Variants in AKIRIN2 observed in about 807,000 individuals in gnomAD.
AKIRIN2 encodes the protein akirin-2.
A neutral mutation model predicts 29.3 loss-of-function variants in AKIRIN2; 6 were observed. The observed-to-expected ratio is 0.20, with a 90% confidence interval of 0.11 to 0.40. The LOEUF (loss-of-function observed/expected upper bound fraction) is 0.40. AKIRIN2 is among the 10% of genes least tolerant of loss of function. AKIRIN2 has a pLI of 1.00. For synonymous variants in AKIRIN2, 128 were observed against 117.5 expected (o/e 1.09, Z -0.58); for missense variants, 210 against 276.1 (o/e 0.76, Z 1.70).
Position 87,681,780 on chromosome 6 carries a change from A to G in AKIRIN2, c.236-17T>C, listed in dbSNP as rs1248282194. ...GAATTTGTTCTAAAATAAAAAAGTT[A>G]AAATTTGGCAAGATAAAAACTTTCA... is the stretch of plus-strand genomic sequence containing the variant. On this transcript the variant is annotated splice_polypyrimidine_tract_variant and intron_variant, in intron 1 of 4. Coordinates refer to ENST00000257787, the MANE Select transcript of AKIRIN2 (RefSeq NM_018064.4). 1 of 1,546,124 alleles carries G rather than the reference A, an allele frequency of 6.5e-7. No homozygotes were observed. The highest frequency in any genetic ancestry group is 8.7e-7 in the Non-Finnish European group (1 of 1,146,842).
intron 3 of AKIRIN2, among the ~76,000 whole-genome samples, chr6:87,676,628 A>AC (rs1562395616): frequency 8.0e-5 from 8 of 99,964 alleles, no homozygotes; most frequent in African/African-American, 1.6e-4. Context: ...CACACACACA[A>AC]ACATAGCTGG....
At chr6:87,690,639 T>C (rs183733521) in intron 1 of AKIRIN2, among the ~76,000 whole-genome samples, 3 of 152,346 alleles carry the variant, frequency 2.0e-5, no homozygotes, top group East Asian at 1.9e-4. Flanking sequence ...GCAATTCATT[T>C]ACTTTACCAA....
chr6:87,678,198 G>T (rs1273693197), intron 2 of AKIRIN2, among the ~76,000 whole-genome samples: 4 of 152,158 alleles, frequency 2.6e-5, no homozygotes, highest in Non-Finnish European at 5.9e-5. Flanking sequence ...AAGACTAAAG[G>T]TGAGTAGAAA....
chr6:87,685,651 A>G (rs1365616882), intron 1 of AKIRIN2, among the ~76,000 whole-genome samples: 7 of 152,242 alleles, frequency 4.6e-5, no homozygotes, highest in Non-Finnish European at 1.0e-4. Context: ...CTGAATTTGC[A>G]GCAACCATTT....
At position 87,701,686 on chromosome 6, in the gene AKIRIN2, G is replaced by A. The variant is rs1377287225; in HGVS notation, c.-2C>T. Reference sequence around the variant, plus strand: ...TTTCAGAGTGGCTCCGCACGCCATGGCCGGGGGCAGCTGAGGCGCCGGGCT... The same window carrying A: ...TTTCAGAGTGGCTCCGCACGCCATGACCGGGGGCAGCTGAGGCGCCGGGCT... On this transcript the variant is annotated 5_prime_UTR_variant, in exon 1 of 5. Transcript: ENST00000257787. 1.7e-5 allele frequency: 25 copies of A among 1,446,744 alleles called. No individual in the cohort carries two copies. The highest frequency in any genetic ancestry group is 2.3e-5 in the Non-Finnish European group (25 of 1,102,726). The allele number at this position is 1,446,744 out of a possible 1,614,324, so 89.6% of individuals were successfully genotyped here. A position where few individuals can be genotyped will look rare whatever the true frequency, so the allele number is the denominator to read the frequency against.
At chr6:87,701,249 T>C (rs1185292456) in intron 1 of AKIRIN2, among the ~76,000 whole-genome samples, 1 of 152,036 alleles carries the variant, frequency 6.6e-6, no homozygotes, top group Admixed American at 6.5e-5. Flanking sequence ...CACTATCCCC[T>C]TGACATCAGC....
chr6:87,681,344 T>C (rs929638795), intron 2 of AKIRIN2, among the ~76,000 whole-genome samples: 1 of 152,140 alleles, frequency 6.6e-6, no homozygotes, highest in East Asian at 1.9e-4. Context: ...GCCTGGCCTA[T>C]TGTTAATTTT....
intron 3 of AKIRIN2, among the ~76,000 whole-genome samples, chr6:87,676,807 T>C (rs944576123): frequency 5.4e-5 from 8 of 147,974 alleles, no homozygotes; most frequent in African/African-American, 2.0e-4. Flanking sequence ...CCGGGCATGG[T>C]GGCTTACGCC....
At chr6:87,699,945 C>T (rs534323498) in intron 1 of AKIRIN2, among the ~76,000 whole-genome samples, 1 of 152,176 alleles carries the variant, frequency 6.6e-6, no homozygotes, top group East Asian at 1.9e-4. Context: ...GTACAGAATC[C>T]ATTTCAATTT....
At chr6:87,683,318 G>T (rs905058197) in intron 1 of AKIRIN2, among the ~76,000 whole-genome samples, 5 of 152,138 alleles carry the variant, frequency 3.3e-5, no homozygotes, top group African/African-American at 1.2e-4. Flanking sequence ...ATGTCGGGGT[G>T]CTTTAGCTGT....
intron 1 of AKIRIN2, among the ~76,000 whole-genome samples, chr6:87,692,318 G>A (rs796634824): frequency 3.9e-5 from 6 of 152,206 alleles, no homozygotes; most frequent in African/African-American, 1.4e-4. Context: ...ACCCTAAGAG[G>A]CATATGCTAC....
chr6:87,681,793 A>G (rs781399884), intron 1 of AKIRIN2, 30 bp from the exon 2 acceptor site: 1 of 1,523,054 alleles, frequency 6.6e-7, no homozygotes, highest in South Asian at 1.2e-5. Flanking sequence ...ATTTGGCAAG[A>G]TAAAAACTTT....
chr6:87,681,045 T>A (rs1428821639), intron 2 of AKIRIN2, among the ~76,000 whole-genome samples: 2 of 141,392 alleles, frequency 1.4e-5, no homozygotes, highest in Non-Finnish European at 3.0e-5. Flanking sequence ...ATTGTTATTA[T>A]TTTTTTTTTT....
Position 87,701,819 on chromosome 6 carries a change from G to A in AKIRIN2, c.-135C>T, listed in dbSNP as rs1264539543. The A allele has an allele frequency of 5.1e-6, 3 of 589,662 alleles. No individual in the cohort carries two copies. The African/African-American group carries it at 5.9e-5, about 12-fold the overall frequency. 36.5% of individuals were successfully genotyped at this position (589,662 alleles called of 1,614,324 possible). On this transcript the variant is annotated 5_prime_UTR_variant, in exon 1 of 5. Coordinates refer to ENST00000257787, the MANE Select transcript of AKIRIN2 (RefSeq NM_018064.4). ...GGGCTCAGGAGCCAAGCGGGTCGCG[G>A]AGCGCCGGCTGTGGAAAGGAGAGCC...
chr6:87,690,438 T>G (rs573740835), intron 1 of AKIRIN2, among the ~76,000 whole-genome samples: 10 of 152,308 alleles, frequency 6.6e-5, no homozygotes, highest in African/African-American at 2.4e-4. Flanking sequence ...TTGGCTAAGA[T>G]CAAGTGTAAT....
At chr6:87,688,037 T>C (rs2250276) in intron 1 of AKIRIN2, among the ~76,000 whole-genome samples, 13,760 of 152,036 alleles carry the variant, frequency 0.091, 676 homozygotes, top group African/African-American at 0.12. Context: ...CAAAATGAGG[T>C]AGAAAGATAG....
At chr6:87,689,195 AC>A (rs996830838) in intron 1 of AKIRIN2, among the ~76,000 whole-genome samples, 1 of 152,154 alleles carries the variant, frequency 6.6e-6, no homozygotes, top group East Asian at 1.9e-4. Flanking sequence ...TTGTTCAGGC[AC>A]CCCCCAAAAA....
chr6:87,692,759 G>A (rs146115618), intron 1 of AKIRIN2, among the ~76,000 whole-genome samples: 4,817 of 152,286 alleles, frequency 0.032, 251 homozygotes, highest in African/African-American at 0.11. Context: ...GCAGTGAGCC[G>A]AGATCGTGCC....
At chr6:87,701,079 G>A (rs1463000829) in intron 1 of AKIRIN2, among the ~76,000 whole-genome samples, 1 of 151,986 alleles carries the variant, frequency 6.6e-6, no homozygotes, top group East Asian at 1.9e-4. Context: ...GGGGTGAAAT[G>A]TGACCCTTTC....
Sources: gnomAD v4.1 joint callset for allele counts (sites outside exome capture counted in the v4.1 genomes callset) on GRCh38, gnomAD v4.1.1 for gene constraint, MANE v1.5 for transcripts, NCBI Gene and HGNC (gene_info 2026-07-23, HGNC 2026-07-21) for gene names.